The following KDM4C variants were observed in gnomAD, a reference collection of about 807,000 sequenced individuals.
KDM4C encodes lysine-specific demethylase 4C.
Under a neutral mutation model 129.3 loss-of-function variants are expected in KDM4C, and 81 were observed. The ratio of observed to expected loss-of-function variants is 0.63; its 90% CI spans 0.52 to 0.75. KDM4C has a LOEUF of 0.75. Ranked by LOEUF, KDM4C falls within the 30% of genes least tolerant of loss-of-function variation. KDM4C has a pLI of 0.00. For missense variants in KDM4C, 1,457 were observed against 1,304.0 expected, an observed-to-expected ratio of 1.12 and a Z score of -1.81; for synonymous variants, 573 against 456.1, an observed-to-expected ratio of 1.26 and a Z score of -3.26.
At chr9:6,835,409 T>C in intron 4 of KDM4C, 1 of 1,154,456 alleles carries the variant, frequency 8.7e-7, no homozygotes, top group South Asian at 1.2e-5. Context: ...ATCACCGCCC[T>C]GGCGCCCAGC....
At chr9:6,853,393 G>T (rs1839205413) in intron 5 of KDM4C, among the ~76,000 whole-genome samples, 1 of 152,278 alleles carries the variant, frequency 6.6e-6, no homozygotes, top group East Asian at 1.9e-4. Flanking sequence ...TCGGAAGGCT[G>T]AGGTGAGAGG....
At chr9:7,054,017 T>C (rs1219768973) in intron 17 of KDM4C, among the ~76,000 whole-genome samples, 2 of 152,260 alleles carry the variant, frequency 1.3e-5, no homozygotes, top group Non-Finnish European at 2.9e-5. Flanking sequence ...ACCTGTCCAT[T>C]AGAATAAATT....
At chr9:6,729,745 C>T (rs952197468) in intron 1 of KDM4C, among the ~76,000 whole-genome samples, 1 of 133,916 alleles carries the variant, frequency 7.5e-6, no homozygotes, top group Non-Finnish European at 1.5e-5. Context: ...TAATGATTTC[C>T]AGCCAGATGT....
At chr9:7,086,900 G>T (rs1835183309) in intron 17 of KDM4C, among the ~76,000 whole-genome samples, 1 of 152,114 alleles carries the variant, frequency 6.6e-6, no homozygotes, top group Admixed American at 6.5e-5. Flanking sequence ...TCACAGAGTG[G>T]GGCAGACAGT....
Position 6,878,409 on chromosome 9 carries a change from A to G in KDM4C, c.630-1603A>G, listed in dbSNP as rs551799169. ...GTAGAACTAATTAAATCATTTGGCT[A>G]AGATAGGAATAGCTGCACCTGGGAA... is the stretch of plus-strand genomic sequence containing the variant. On this transcript the variant is annotated intron_variant, in intron 5 of 21. Coordinates refer to ENST00000381309, the MANE Select transcript of KDM4C (RefSeq NM_015061.6). 3.9e-5 allele frequency among the ~76,000 whole-genome samples: 6 copies of G among 152,352 alleles called. No individual in the cohort carries two copies. The South Asian group carries it at 8.3e-4, about 21-fold the overall frequency.
intron 18 of KDM4C, among the ~76,000 whole-genome samples, chr9:7,126,169 G>C (rs1196171081): frequency 1.3e-5 from 2 of 152,082 alleles, no homozygotes; most frequent in Admixed American, 1.3e-4. Context: ...GCCTACACAT[G>C]GTTTTTTAGG....
intron 15 of KDM4C, among the ~76,000 whole-genome samples, chr9:7,021,446 G>A (rs1824848956): frequency 6.6e-6 from 1 of 152,048 alleles, no homozygotes; most frequent in African/African-American, 2.4e-5. Flanking sequence ...GGCCTGGCCT[G>A]TCGTTTGCAT....
chr9:7,113,545 T>G (rs1219659587), intron 18 of KDM4C, among the ~76,000 whole-genome samples: 1 of 152,178 alleles, frequency 6.6e-6, no homozygotes, highest in Non-Finnish European at 1.5e-5. Context: ...GCATCATGCT[T>G]CTCTCCCTGT....
intron 6 of KDM4C, among the ~76,000 whole-genome samples, chr9:6,881,308 T>G (rs1268880475): frequency 2.0e-5 from 3 of 152,192 alleles, no homozygotes; most frequent in Non-Finnish European, 4.4e-5. Context: ...ATAAAGTGTC[T>G]TTTTAAAAAT....
chr9:6,819,754 T>C (rs986594940), intron 4 of KDM4C, among the ~76,000 whole-genome samples: 2 of 152,228 alleles, frequency 1.3e-5, no homozygotes, highest in Non-Finnish European at 2.9e-5. Flanking sequence ...AATAATTGCT[T>C]ACTGTCAGGA....
In KDM4C at chr9:6,728,430, A is replaced by G. The variant is rs567200655; in HGVS notation, c.49+7433A>G. Among the ~76,000 whole-genome samples, 4 of 152,272 alleles carry G rather than the reference A, an allele frequency of 2.6e-5. No homozygotes were observed. The East Asian group carries it at 5.8e-4, about 22-fold the overall frequency. On this transcript the variant is annotated intron_variant, in intron 1 of 17. Transcript: ENST00000536108. ...GCGCCTGAAATCCCCACTACTCAGGAGGCTGAGGCAGGAGAATTGCTTAAA... is the reference window on the plus strand; with the variant it reads ...GCGCCTGAAATCCCCACTACTCAGGGGGCTGAGGCAGGAGAATTGCTTAAA...
intron 8 of KDM4C, among the ~76,000 whole-genome samples, chr9:6,951,705 G>C (rs1204898741): frequency 6.6e-6 from 1 of 152,132 alleles, no homozygotes; most frequent in Non-Finnish European, 1.5e-5. Flanking sequence ...ACTGTATTGA[G>C]AATTTGACTG....
chr9:6,789,573 C>G (rs982227105), intron 1 of KDM4C, among the ~76,000 whole-genome samples: 2 of 151,916 alleles, frequency 1.3e-5, no homozygotes, highest in Admixed American at 6.6e-5. Flanking sequence ...GCCATGTTGC[C>G]CAGGCTGGTC....
chr9:6,812,168 C>T (rs1831271132), intron 3 of KDM4C, among the ~76,000 whole-genome samples: 1 of 150,410 alleles, frequency 6.6e-6, no homozygotes, highest in African/African-American at 2.5e-5. Context: ...ACCCAGGAGG[C>T]GGAGGTTGCA....
intron 3 of KDM4C, among the ~76,000 whole-genome samples, chr9:6,811,025 G>A (rs1475237931): frequency 6.6e-6 from 1 of 152,120 alleles, no homozygotes; most frequent in East Asian, 1.9e-4. Flanking sequence ...AAATGCCAAG[G>A]AAATGGATTT....
At chr9:6,812,228 C>T (rs1186723551) in intron 3 of KDM4C, among the ~76,000 whole-genome samples, 2 of 148,074 alleles carry the variant, frequency 1.4e-5, no homozygotes, top group African/African-American at 2.5e-5. Flanking sequence ...CAGAACAAGA[C>T]TCTCAAAAAA....
chr9:6,921,719 C>G (rs1032272280), intron 8 of KDM4C, among the ~76,000 whole-genome samples: 2 of 152,176 alleles, frequency 1.3e-5, no homozygotes, highest in South Asian at 2.1e-4. Context: ...CTTCCCATCT[C>G]GCTTCCATTA....
intron 2 of KDM4C, among the ~76,000 whole-genome samples, chr9:6,793,729 G>A (rs1016048578): frequency 6.6e-6 from 1 of 151,854 alleles, no homozygotes; most frequent in African/African-American, 2.4e-5. Context: ...TTTTAGTTGA[G>A]ACGGGGTTTC....
chr9:6,810,272 G>T (rs1415663532), intron 3 of KDM4C, among the ~76,000 whole-genome samples: 1 of 152,168 alleles, frequency 6.6e-6, no homozygotes, highest in African/African-American at 2.4e-5. Context: ...TACTCTTTCT[G>T]AAGATAGCCA....
Sources: gnomAD v4.1 joint callset for allele counts (sites outside exome capture counted in the v4.1 genomes callset) on GRCh38, gnomAD v4.1.1 for gene constraint, MANE v1.5 for transcripts, NCBI Gene and HGNC (gene_info 2026-07-23, HGNC 2026-07-21) for gene names.